The following RORA variants were observed in gnomAD, a reference collection of about 807,000 sequenced individuals.
RORA encodes RAR related orphan receptor A.
RORA carries 7 observed loss-of-function variants against 69.5 expected under a neutral mutation model. That is an observed-to-expected ratio of 0.10 (90% CI 0.06 to 0.19). The LOEUF is 0.19. Among genes scored for constraint, RORA ranks in the 10% least tolerant of loss-of-function variants. The pLI, the probability that RORA is intolerant of heterozygous loss-of-function variation, is 1.00. For synonymous variants in RORA, 261 were observed against 240.8 expected, an observed-to-expected ratio of 1.08 and a Z score of -0.78; for missense variants, 457 against 663.0, an observed-to-expected ratio of 0.69 and a Z score of 3.41.
At chr15:60,677,062 CCCAAA>C in intron 2 of RORA, 1 of 407,410 alleles carries the variant, frequency 2.5e-6, no homozygotes, top group South Asian at 1.7e-5. Flanking sequence ...GAGTCCATAC[CCCAAA>C]CCACCATAAA....
In RORA at chr15:61,147,774, T is replaced by G. The variant is rs910623975; in HGVS notation, c.166+81279A>C. Among the ~76,000 whole-genome samples, 2 of 150,738 alleles carry G rather than the reference T, an allele frequency of 1.3e-5. No homozygotes were observed. Among genetic ancestry groups the G allele is most frequent in the South Asian group, 4.2e-4 (2 of 4,778 alleles). Reference sequence around the variant, plus strand: ...AGGCACGTGCGCACACGCGTGTGTGTGTGTGTGTGTGTGTGTGTGTGAAAT... The same window carrying G: ...AGGCACGTGCGCACACGCGTGTGTGGGTGTGTGTGTGTGTGTGTGTGAAAT... On this transcript the variant is annotated intron_variant, in intron 1 of 10. Coordinates refer to ENST00000335670, the MANE Select transcript of RORA (RefSeq NM_134261.3). The surrounding 1 kb of genome is among the most constrained non-coding windows in gnomAD (Gnocchi z 4.1).
chr15:61,013,201 T>G (rs1895147150), intron 1 of RORA, among the ~76,000 whole-genome samples: 1 of 152,252 alleles, frequency 6.6e-6, no homozygotes, highest in South Asian at 2.1e-4. Context: ...GAAACGATAA[T>G]ATGTATTCAC....
In RORA at chr15:60,542,565, ACACGGCACG is replaced by A. The variant is rs1253577905; in HGVS notation, c.197-10723_197-10715del. On this transcript the variant is annotated intron_variant, in intron 2 of 10. Transcript: ENST00000335670. ...GATGGCACACATGCACACCTCACAC[ACACGGCACG>A]CATGCACACCTCACACACACGGCAC... Among the ~76,000 whole-genome samples, 6 of 129,926 alleles carry A rather than the reference ACACGGCACG, an allele frequency of 4.6e-5. 1 individual carries two copies. Among genetic ancestry groups the A allele is most frequent in the African/African-American group, 2.6e-4 (6 of 23,340 alleles). The allele number at this position is 129,926 out of a possible 152,430, so 85.2% of individuals were successfully genotyped here. A position where few individuals can be genotyped will look rare whatever the true frequency, so the allele number is the denominator to read the frequency against.
intron 1 of RORA, among the ~76,000 whole-genome samples, chr15:61,086,167 T>C (rs1330953418): frequency 1.3e-5 from 2 of 152,238 alleles, no homozygotes; most frequent in East Asian, 3.9e-4. Context: ...ACCAGAAACC[T>C]TTCTGCCATT....
rs1296698091 is a variant in RORA, at chr15:60,491,546, T to G, written c.*5909A>C. ...CTATTTGGATTGAATATTCTGTCAT[T>G]CATTTATAAATAAATGACTGAATGT... is the stretch of plus-strand genomic sequence containing the variant. On this transcript the variant is annotated 3_prime_UTR_variant, in exon 11 of 11. Transcript: ENST00000335670. 1 of 151,972 alleles carries G rather than the reference T, an allele frequency of 6.6e-6. No individual in the cohort carries two copies. The highest frequency in any genetic ancestry group is 6.6e-5 in the Admixed American group (1 of 15,236). The allele number at this position is 151,972 out of a possible 1,614,324, so 9.4% of individuals were successfully genotyped here.
At chr15:60,520,318 G>C (rs1318704036) in intron 3 of RORA, 2 of 152,142 alleles carry the variant, frequency 1.3e-5, no homozygotes, top group Admixed American at 1.3e-4. Flanking sequence ...CCATGACTCA[G>C]ACGAATACTG....
intron 1 of RORA, among the ~76,000 whole-genome samples, chr15:60,866,756 C>G (rs1595777364): frequency 6.6e-6 from 1 of 152,218 alleles, no homozygotes; most frequent in East Asian, 1.9e-4. Context: ...GGTGGCATGC[C>G]CATCCCCTAT....
intron 1 of RORA, among the ~76,000 whole-genome samples, chr15:60,812,243 C>T (rs1248192543): frequency 1.3e-5 from 2 of 152,194 alleles, no homozygotes; most frequent in African/African-American, 4.8e-5. Context: ...GTGCCTCACA[C>T]CTGTAATCCC....
At chr15:60,742,560 T>C (rs1567175527) in intron 1 of RORA, among the ~76,000 whole-genome samples, 2 of 152,248 alleles carry the variant, frequency 1.3e-5, no homozygotes, top group African/African-American at 4.8e-5. Flanking sequence ...GTCACTACGA[T>C]GTTCAATAGA....
chr15:60,651,229 C>T (rs372084415), intron 2 of RORA, among the ~76,000 whole-genome samples: 8 of 152,048 alleles, frequency 5.3e-5, no homozygotes, highest in South Asian at 4.2e-4. Flanking sequence ...CAGAACTTGC[C>T]GGTGAAATTT....
intron 1 of RORA, among the ~76,000 whole-genome samples, chr15:60,979,369 T>C (rs922582986): frequency 6.2e-4 from 93 of 149,778 alleles, no homozygotes; most frequent in African/African-American, 2.2e-3. Flanking sequence ...TAGGATCAGC[T>C]TGAATTTTAG....
chr15:60,737,649 T>C (rs906408503), intron 1 of RORA, among the ~76,000 whole-genome samples: 5 of 152,256 alleles, frequency 3.3e-5, no homozygotes, highest in African/African-American at 1.2e-4. Flanking sequence ...TATATATCAG[T>C]TGTCAATTTA....
At chr15:61,059,938 G>C (rs1370971439) in intron 1 of RORA, among the ~76,000 whole-genome samples, 14 of 126,290 alleles carry the variant, frequency 1.1e-4, no homozygotes, top group African/African-American at 4.0e-4. Context: ...AGAAGAACAA[G>C]AAGAAGAAGA....
intron 1 of RORA, among the ~76,000 whole-genome samples, chr15:61,215,031 A>ATTTTTTTTT (rs61132940): frequency 9.6e-4 from 77 of 80,628 alleles, no homozygotes; most frequent in African/African-American, 3.6e-3. Context: ...CGCCCAGCTA[A>ATTTTTTTTT]TTTTTTTTTT....
chr15:61,208,091 T>C (rs909362704), intron 1 of RORA, among the ~76,000 whole-genome samples: 2 of 152,196 alleles, frequency 1.3e-5, no homozygotes, highest in East Asian at 1.9e-4. Flanking sequence ...ACCTGTTTTT[T>C]CCCAGTATGG....
rs1368708020 is a variant in RORA, at chr15:60,569,007, T to C, written c.197-37156A>G. ...CCTGGAGTTTAAAATACGCTGACAA[T>C]ACAATTTACAAAAGGCCTTTTTGTG... On this transcript the variant is annotated intron_variant, in intron 2 of 10. Transcript: ENST00000335670. 2.0e-5 allele frequency among the ~76,000 whole-genome samples: 3 copies of C among 149,654 alleles called. 1 individual carries two copies. In the Admixed American group the frequency reaches 2.0e-4, roughly 10 times the overall value.
At chr15:60,768,686 G>C (rs2072024983) in intron 1 of RORA, among the ~76,000 whole-genome samples, 1 of 152,230 alleles carries the variant, frequency 6.6e-6, no homozygotes, top group Non-Finnish European at 1.5e-5. Context: ...TGAATCATAA[G>C]TGGTAAAATT....
intron 1 of RORA, among the ~76,000 whole-genome samples, chr15:60,739,512 G>C (rs12592395): frequency 0.25 from 37,928 of 151,926 alleles, 5,391 homozygotes; most frequent in South Asian, 0.42. Flanking sequence ...CAGAGGCTAT[G>C]ATGAGCCCTG....
chr15:60,545,801 T>C (rs1295464997), intron 2 of RORA, among the ~76,000 whole-genome samples: 3 of 152,236 alleles, frequency 2.0e-5, no homozygotes, highest in Non-Finnish European at 2.9e-5. Context: ...ACAAATATTC[T>C]TTAAGATCCT....
Sources: allele counts gnomAD v4.1 joint callset (sites outside exome capture counted in the v4.1 genomes callset), GRCh38; gene constraint gnomAD v4.1.1; non-coding constraint Gnocchi (gnomAD v3.1); transcripts MANE v1.5; gene names NCBI Gene and HGNC (gene_info 2026-07-23, HGNC 2026-07-21).